VSTM5: variants seen among roughly 807,000 people sequenced by gnomAD.
VSTM5 encodes V-set and transmembrane domain-containing protein 5.
VSTM5 carries 21 observed loss-of-function variants against 20.3 expected under a neutral mutation model. That is an observed-to-expected ratio of 1.03 (90% CI 0.73 to 1.49). The LOEUF (loss-of-function observed/expected upper bound fraction) is 1.49. Among genes scored for constraint, VSTM5 ranks in the 40% most tolerant of loss-of-function variants. The pLI is 0.00. For synonymous variants in VSTM5, 100 were observed against 102.5 expected, an observed-to-expected ratio of 0.98 and a Z score of 0.14; for missense variants, 219 against 250.0, an observed-to-expected ratio of 0.88 and a Z score of 0.84.
At chr11:93,843,458 CTGAATGAATGAATGAA>C (rs10566414) in intron 1 of VSTM5, among the ~76,000 whole-genome samples, 8 of 151,642 alleles carry the variant, frequency 5.3e-5, no homozygotes, top group African/African-American at 1.7e-4. Flanking sequence ...TCATATGTAC[CTGAATGAATGAATGAA>C]TGAATGAATG....
At chr11:93,843,340 G>A (rs943998250) in intron 1 of VSTM5, among the ~76,000 whole-genome samples, 10 of 152,050 alleles carry the variant, frequency 6.6e-5, no homozygotes, top group African/African-American at 2.4e-4. Flanking sequence ...CTTGATGAAT[G>A]GTTCATCCTC....
chr11:93,848,573 T>A (rs1450806092), intron 1 of VSTM5, among the ~76,000 whole-genome samples: 1 of 152,202 alleles, frequency 6.6e-6, no homozygotes, highest in Non-Finnish European at 1.5e-5. Flanking sequence ...CAGGTGGGGC[T>A]GTTTTGGGGA....
At chr11:93,846,549 C>T (rs1342431833) in intron 1 of VSTM5, among the ~76,000 whole-genome samples, 2 of 152,042 alleles carry the variant, frequency 1.3e-5, no homozygotes, top group Non-Finnish European at 1.5e-5. Flanking sequence ...TGAGGAGTTT[C>T]TCTCCCCTGA....
At chr11:93,846,010 G>T (rs1434609441) in intron 1 of VSTM5, among the ~76,000 whole-genome samples, 3 of 152,150 alleles carry the variant, frequency 2.0e-5, no homozygotes, top group Admixed American at 2.0e-4. Flanking sequence ...TTGTATTAAA[G>T]CCTTTTTGTG....
intron 1 of VSTM5, among the ~76,000 whole-genome samples, chr11:93,839,231 A>G (rs1431176142): frequency 6.6e-6 from 1 of 152,246 alleles, no homozygotes; most frequent in Non-Finnish European, 1.5e-5. Flanking sequence ...TGGAGGCCAC[A>G]GTAAGTGGAA....
chr11:93,821,123 A>G lies in VSTM5; in HGVS notation c.292T>C (p.Cys98Arg). ...NISQSHKDRV[C>R]TFDNGSIQLF... ...TGGATGGAGCCGTTGTCAAAGGTGC[A>G]GACTCTGTCCTTGTGGCTTTGAGAG... The change falls in exon 2 of 4, where the codon TGC (cysteine) becomes CGC (arginine). Residue 98 changes from cysteine (C) to arginine (R), a missense_variant. Cys to Arg is a radical substitution (Grantham distance 180, BLOSUM62 -3). Transcript: ENST00000409977. 6.4e-7 allele frequency: 1 copy of G among 1,552,108 alleles called. No individual in the cohort carries two copies. Among genetic ancestry groups the G allele is most frequent in the South Asian group, 1.2e-5 (1 of 84,068 alleles).
intron 1 of VSTM5, 89 bp from the exon 2 acceptor site, chr11:93,821,412 A>G: frequency 8.2e-7 from 1 of 1,214,242 alleles, no homozygotes; most frequent in Middle Eastern, 2.0e-4. Flanking sequence ...TTACACAAAT[A>G]TTTATTGTGT....
At chr11:93,848,623 A>G (rs2135742104) in intron 1 of VSTM5, among the ~76,000 whole-genome samples, 2 of 152,318 alleles carry the variant, frequency 1.3e-5, no homozygotes, top group Admixed American at 1.3e-4. Flanking sequence ...TAGGGCTTCT[A>G]GAACATGGCA....
chr11:93,831,766 TTC>T (rs1371015861), intron 1 of VSTM5, among the ~76,000 whole-genome samples: 4 of 152,336 alleles, frequency 2.6e-5, no homozygotes, highest in Non-Finnish European at 5.9e-5. Flanking sequence ...CAGTCACCAT[TTC>T]TGTCAGTTAA....
chr11:93,830,759 CTTT>C (rs553124123), intron 1 of VSTM5, among the ~76,000 whole-genome samples: 10 of 136,050 alleles, frequency 7.4e-5, no homozygotes, highest in Admixed American at 2.2e-4. Flanking sequence ...TCGGTTGGTT[CTTT>C]TTTTTTTTTT....
At chr11:93,844,461 C>T (rs1170054300) in intron 1 of VSTM5, among the ~76,000 whole-genome samples, 2 of 152,144 alleles carry the variant, frequency 1.3e-5, no homozygotes. Context: ...GGAATTATTC[C>T]AGCACCTTTC....
chr11:93,847,324 G>T (rs916154253), intron 1 of VSTM5, among the ~76,000 whole-genome samples: 2 of 152,094 alleles, frequency 1.3e-5, no homozygotes, highest in African/African-American at 4.8e-5. Flanking sequence ...GTCTCGTGAA[G>T]GGCCTTGAGA....
At chr11:93,831,046 A>C (rs1189470616) in intron 1 of VSTM5, among the ~76,000 whole-genome samples, 2 of 151,954 alleles carry the variant, frequency 1.3e-5, no homozygotes, top group Non-Finnish European at 2.9e-5. Flanking sequence ...GGTGTGTGCC[A>C]TCACGCCTGG....
At position 93,819,886 on chromosome 11, in the gene VSTM5, T is replaced by G. The variant is rs940899567; in HGVS notation, c.*683A>C. 6.6e-6 allele frequency: 1 copy of G among 152,226 alleles called. No homozygotes were observed. Among genetic ancestry groups the G allele is most frequent in the Non-Finnish European group, 1.5e-5 (1 of 68,096 alleles). The allele number at this position is 152,226 out of a possible 1,614,324, so 9.4% of individuals were successfully genotyped here. On this transcript the variant is annotated 3_prime_UTR_variant, in exon 4 of 4. Transcript: ENST00000409977. ...TGAGGGAGGAAGAGAAAGATAATTTTCTCTATTCCTTGTATCCAAAGCTGG... is the reference window on the plus strand; with the variant it reads ...TGAGGGAGGAAGAGAAAGATAATTTGCTCTATTCCTTGTATCCAAAGCTGG...
At chr11:93,844,837 C>G (rs944053727) in intron 1 of VSTM5, among the ~76,000 whole-genome samples, 1 of 132,610 alleles carries the variant, frequency 7.5e-6, no homozygotes, top group African/African-American at 2.7e-5. Flanking sequence ...TGCAGGGCCC[C>G]GCTGCTACCC....
intron 1 of VSTM5, 30 bp downstream of exon 1, chr11:93,850,382 C>G: frequency 6.5e-7 from 1 of 1,543,700 alleles, no homozygotes; most frequent in Non-Finnish European, 8.7e-7. Flanking sequence ...TCCCGCTCCC[C>G]CAGCACCCGG....
intron 1 of VSTM5, among the ~76,000 whole-genome samples, chr11:93,832,496 C>A (rs1944290557): frequency 6.6e-6 from 1 of 151,952 alleles, no homozygotes; most frequent in Non-Finnish European, 1.5e-5. Context: ...ACATTTCACT[C>A]TATACTTTTT....
Position 93,820,485 on chromosome 11 carries a change from C to A in VSTM5, c.*84G>T. 6.8e-7 allele frequency: 1 copy of A among 1,462,240 alleles called. No homozygotes were observed. The highest frequency in any genetic ancestry group is 9.3e-7 in the Non-Finnish European group (1 of 1,070,602). The allele number at this position is 1,462,240 out of a possible 1,614,324, so 90.6% of individuals were successfully genotyped here. A position where few individuals can be genotyped will look rare whatever the true frequency, so the allele number is the denominator to read the frequency against. On this transcript the variant is annotated 3_prime_UTR_variant, in exon 4 of 4. Transcript: ENST00000409977. ...GAGCGGGCTGCAACAGGACCACACA[C>A]AATGGGTATAATAGCTGTGCTTGCT...
At chr11:93,843,886 A>T (rs553646404) in intron 1 of VSTM5, among the ~76,000 whole-genome samples, 1 of 152,082 alleles carries the variant, frequency 6.6e-6, no homozygotes, top group East Asian at 1.9e-4. Flanking sequence ...CTGGGCCTTT[A>T]TTCACTCAAC....
Sources: allele counts gnomAD v4.1 joint callset (sites outside exome capture counted in the v4.1 genomes callset), GRCh38; gene constraint gnomAD v4.1.1; transcripts MANE v1.5; gene names NCBI Gene and HGNC (gene_info 2026-07-23, HGNC 2026-07-21).